ATP5MJ: variants seen among roughly 807,000 people sequenced by gnomAD.
ATP5MJ encodes the protein ATP synthase F(0) complex subunit j, mitochondrial.
In ATP5MJ, 4 loss-of-function variants were observed where a neutral mutation model predicts 8.3. The ratio of observed to expected loss-of-function variants is 0.48; its 90% CI spans 0.24 to 1.11. ATP5MJ has a LOEUF of 1.11. Among genes scored for constraint, ATP5MJ ranks in the 50% least tolerant of loss-of-function variants. The pLI, the probability that ATP5MJ is intolerant of heterozygous loss-of-function variation, is 0.18. For missense variants in ATP5MJ, 66 were observed against 71.8 expected (o/e 0.92, Z 0.29); for synonymous variants, 23 against 21.3 (o/e 1.08, Z -0.23).
chr14:103,914,163 C>T (rs2087604235), intron 2 of ATP5MJ, 179 bp from the exon 3 acceptor site: 2 of 615,144 alleles, frequency 3.3e-6, no homozygotes, highest in Non-Finnish European at 2.8e-6. Context: ...CTATGAACAG[C>T]TAACAGCCCT....
At chr14:103,916,778 G>A (rs924013963) in intron 1 of ATP5MJ, among the ~76,000 whole-genome samples, 1 of 152,058 alleles carries the variant, frequency 6.6e-6, no homozygotes, top group Non-Finnish European at 1.5e-5. Context: ...CGTTGGCTGC[G>A]GCTGTAATGC....
At position 103,921,487 on chromosome 14, in the gene ATP5MJ, G is replaced by A. The variant is rs565390235; in HGVS notation, c.-18C>T. ...GTACTCACCTTGGCGCAGGACAGAC[G>A]GCTCAGAACGCACCACAAATCTGCA... On this transcript the variant is annotated 5_prime_UTR_variant, in exon 1 of 4. Coordinates refer to ENST00000286953, the MANE Select transcript of ATP5MJ (RefSeq NM_004894.3). 11 of 161,546 alleles carry A rather than the reference G, an allele frequency of 6.8e-5. No individual in the cohort carries two copies. The East Asian group carries it at 1.2e-3, about 17-fold the overall frequency. The allele number at this position is 161,546 out of a possible 1,614,324, so 10.0% of individuals were successfully genotyped here.
chr14:103,912,706 G>A lies in ATP5MJ; in HGVS notation c.149-12C>T, dbSNP rs773094593. ...AGCAGGCGCTGAAGCTTTTGAAAGA[G>A]ATGCATATATAAATATGATTTAAGA... On this transcript the variant is annotated splice_polypyrimidine_tract_variant and intron_variant, in intron 3 of 3. Transcript: ENST00000286953. 1.9e-6 allele frequency: 3 copies of A among 1,612,530 alleles called. No homozygotes were observed. The highest frequency in any genetic ancestry group is 1.3e-5 in the African/African-American group (1 of 74,868).
intron 1 of ATP5MJ, 189 bp downstream of exon 1, chr14:103,921,281 A>C (rs1329353642): frequency 7.0e-6 from 3 of 427,350 alleles, no homozygotes; most frequent in Non-Finnish European, 1.3e-5. Flanking sequence ...GCGCAGGCCT[A>C]GGCGATGCTT....
At chr14:103,914,035 A>G in intron 2 of ATP5MJ, 51 bp from the exon 3 acceptor site, 1 of 1,540,888 alleles carries the variant, frequency 6.5e-7, no homozygotes, top group South Asian at 1.2e-5. Context: ...CTTTACAAAA[A>G]TGCCTTTGTC....
intron 1 of ATP5MJ, among the ~76,000 whole-genome samples, chr14:103,916,747 A>C (rs553681718): frequency 4.7e-4 from 71 of 152,262 alleles, no homozygotes; most frequent in African/African-American, 1.4e-3. Context: ...CTCTGTCTCA[A>C]AAAAGAAAGA....
intron 2 of ATP5MJ, chr14:103,914,837 C>CAAAAAGAAAA (rs370479683): frequency 2.6e-5 from 5 of 191,090 alleles, no homozygotes; most frequent in African/African-American, 1.8e-4. Flanking sequence ...AGACTGTCTC[C>CAAAAAGAAAA]AAAAAAAAAA....
At chr14:103,914,309 C>T in intron 2 of ATP5MJ, 1 of 547,022 alleles carries the variant, frequency 1.8e-6, no homozygotes, top group Non-Finnish European at 3.2e-6. Flanking sequence ...CTACTGAGAA[C>T]CAAGTGGTTA....
intron 1 of ATP5MJ, among the ~76,000 whole-genome samples, chr14:103,920,606 G>T (rs574086919): frequency 1.2e-3 from 186 of 151,344 alleles, no homozygotes; most frequent in African/African-American, 4.2e-3. Context: ...CGAGTAGCTG[G>T]GACTACAGGT....
At chr14:103,916,684 T>A (rs1236954830) in intron 1 of ATP5MJ, among the ~76,000 whole-genome samples, 4 of 152,284 alleles carry the variant, frequency 2.6e-5, no homozygotes, top group Non-Finnish European at 5.9e-5. Context: ...TGGTTGAAGA[T>A]GCAGTAAGCC....
At chr14:103,919,700 T>C (rs1305740045) in intron 1 of ATP5MJ, among the ~76,000 whole-genome samples, 1 of 152,198 alleles carries the variant, frequency 6.6e-6, no homozygotes, top group Non-Finnish European at 1.5e-5. Flanking sequence ...AAATTACCCT[T>C]AGTCCCCAGT....
At chr14:103,916,246 TAC>T (rs545283259) in intron 1 of ATP5MJ, among the ~76,000 whole-genome samples, 134 of 152,358 alleles carry the variant, frequency 8.8e-4, no homozygotes, top group African/African-American at 3.1e-3. Context: ...ATTCCAAACT[TAC>T]AGTTTGCTTG....
chr14:103,920,890 C>T lies in ATP5MJ; in HGVS notation c.-1+580G>A, dbSNP rs1207570881. 8 of 1,305,424 alleles carry T rather than the reference C, an allele frequency of 6.1e-6. No homozygotes were observed. In the Admixed American group the frequency reaches 7.9e-5, roughly 13 times the overall value. The allele number at this position is 1,305,424 out of a possible 1,614,324, so 80.9% of individuals were successfully genotyped here. On this transcript the variant is annotated intron_variant, in intron 1 of 3. Transcript: ENST00000286953. ...AGGCCAAACGTGTGTCTACTGTATC[C>T]ACTTAAGTCTGCAAAGTTTTGGCAC... is the stretch of plus-strand genomic sequence containing the variant.
intron 2 of ATP5MJ, 158 bp downstream of exon 2, chr14:103,914,908 G>T: frequency 1.3e-6 from 1 of 769,436 alleles, no homozygotes; most frequent in Non-Finnish European, 2.0e-6. Context: ...GTCTTTTATA[G>T]CTGACATGTG....
chr14:103,916,172 CTTAT>C, intron 1 of ATP5MJ, among the ~76,000 whole-genome samples: 1 of 152,232 alleles, frequency 6.6e-6, no homozygotes, highest in African/African-American at 2.4e-5. Context: ...TAAGATAGAA[CTTAT>C]TTAATCAATA....
In ATP5MJ at chr14:103,921,478, A is replaced by C. The variant is rs577106078; in HGVS notation, c.-9T>G. The C allele has an allele frequency of 1.1e-5, 2 of 184,492 alleles. No homozygotes were observed. The highest frequency in any genetic ancestry group is 5.5e-5 in the Admixed American group (1 of 18,292). The allele number at this position is 184,492 out of a possible 1,614,324, so 11.4% of individuals were successfully genotyped here. ...CAGGTCCCCGTACTCACCTTGGCGC[A>C]GGACAGACGGCTCAGAACGCACCAC... is the stretch of plus-strand genomic sequence containing the variant. On this transcript the variant is annotated 5_prime_UTR_variant, in exon 1 of 4. Coordinates refer to ENST00000286953, the MANE Select transcript of ATP5MJ (RefSeq NM_004894.3).
At chr14:103,916,964 G>A (rs1013196053) in intron 1 of ATP5MJ, among the ~76,000 whole-genome samples, 10 of 152,108 alleles carry the variant, frequency 6.6e-5, no homozygotes, top group Non-Finnish European at 7.4e-5. Context: ...GTCAAATGGC[G>A]GCCCTCAAAT....
chr14:103,915,295 G>C (rs1340395398), intron 1 of ATP5MJ, 106 bp from the exon 2 acceptor site: 3 of 1,326,522 alleles, frequency 2.3e-6, no homozygotes, highest in Non-Finnish European at 3.1e-6. Flanking sequence ...ATGACTGCTA[G>C]GGAGCCTCGC....
intron 1 of ATP5MJ, among the ~76,000 whole-genome samples, chr14:103,919,226 C>T (rs2087651472): frequency 1.3e-5 from 2 of 148,500 alleles, no homozygotes; most frequent in Admixed American, 1.4e-4. Flanking sequence ...ACTAAAAATA[C>T]AAAAACTAGC....
Sources: allele counts gnomAD v4.1 joint callset (sites outside exome capture counted in the v4.1 genomes callset), GRCh38; gene constraint gnomAD v4.1.1; transcripts MANE v1.5; gene names NCBI Gene and HGNC (gene_info 2026-07-23, HGNC 2026-07-21).